The following PPP1R12A variants were observed in gnomAD, a reference collection of about 807,000 sequenced individuals.
PPP1R12A encodes protein phosphatase 1 regulatory subunit 12A, also known as myosin binding subunit.
PPP1R12A carries 19 observed loss-of-function variants against 139.6 expected under a neutral mutation model. The ratio of observed to expected loss-of-function variants is 0.14; its 90% confidence interval spans 0.09 to 0.20. PPP1R12A has a LOEUF of 0.20. Ranked by LOEUF, PPP1R12A falls within the 10% of genes least tolerant of loss-of-function variation. PPP1R12A has a pLI of 1.00. For synonymous variants in PPP1R12A, 427 were observed against 420.6 expected (o/e 1.02, Z -0.19); for missense variants, 925 against 1,211.5 (o/e 0.76, Z 3.51).
chr12:79,839,059 C>T (rs1370057795), intron 3 of PPP1R12A, among the ~76,000 whole-genome samples: 1 of 152,030 alleles, frequency 6.6e-6, no homozygotes, highest in Non-Finnish European at 1.5e-5. Flanking sequence ...TGCAAAGCTA[C>T]AGAGGCAGAG....
chr12:79,885,610 A>G (rs1387984238), intron 1 of PPP1R12A, among the ~76,000 whole-genome samples: 3 of 152,170 alleles, frequency 2.0e-5, no homozygotes, highest in Non-Finnish European at 2.9e-5. Flanking sequence ...CCTTCAAACA[A>G]ACTTTTCTGC....
chr12:79,934,767 C>G lies in PPP1R12A; in HGVS notation c.165G>C (p.Glu55Asp), dbSNP rs376917306. The change falls in exon 1 of 25, where the codon GAG becomes GAC. Residue 55 changes from glutamate to aspartate, a missense_variant. Transcript: ENST00000450142. ...CGCCGCGGTGCAGCAGCTTGAGGAC[C>G]TCGTCCGTGTCGCCGCTGGAGCAAG... The part of the protein sequence containing the change: ...LAACSSGDTD[E>D]VLKLLHRGAD... 1 of 1,552,830 alleles carries G rather than the reference C, an allele frequency of 6.4e-7. No individual in the cohort carries two copies. Among genetic ancestry groups the G allele is most frequent in the Non-Finnish European group, 8.7e-7 (1 of 1,147,706 alleles).
intron 2 of PPP1R12A, among the ~76,000 whole-genome samples, chr12:79,871,463 T>C (rs973307330): frequency 6.6e-6 from 1 of 152,226 alleles, no homozygotes; most frequent in Non-Finnish European, 1.5e-5. Flanking sequence ...AAAGTTAATA[T>C]GTACTATTTC....
intron 1 of PPP1R12A, among the ~76,000 whole-genome samples, chr12:79,893,019 G>A (rs954216980): frequency 1.5e-4 from 23 of 151,738 alleles, no homozygotes; most frequent in African/African-American, 5.6e-4. Context: ...CAGGAGAACT[G>A]CTTGAACCTG....
At chr12:79,925,897 C>G (rs937813150) in intron 1 of PPP1R12A, among the ~76,000 whole-genome samples, 3 of 152,006 alleles carry the variant, frequency 2.0e-5, no homozygotes, top group Non-Finnish European at 2.9e-5. Flanking sequence ...CTAATATTAC[C>G]ATGCTAGAGA....
intron 2 of PPP1R12A, among the ~76,000 whole-genome samples, chr12:79,864,597 A>G (rs1225924328): frequency 6.6e-6 from 1 of 152,162 alleles, no homozygotes; most frequent in African/African-American, 2.4e-5. Context: ...ACTAATAAAG[A>G]GAGAAGAATC....
chr12:79,817,345 G>A, intron 9 of PPP1R12A, 49 bp downstream of exon 9: 3 of 1,549,006 alleles, frequency 1.9e-6, no homozygotes, highest in Non-Finnish European at 2.7e-6. Context: ...AGTCCAAGTG[G>A]TACATAAATA....
chr12:79,805,484 G>T, intron 14 of PPP1R12A, 108 bp downstream of exon 14: 1 of 957,610 alleles, frequency 1.0e-6, no homozygotes, highest in Non-Finnish European at 1.5e-6. Context: ...TCATTTATTA[G>T]TCTACTGGAG....
chr12:79,905,559 G>C (rs958240511), intron 1 of PPP1R12A, among the ~76,000 whole-genome samples: 1 of 152,144 alleles, frequency 6.6e-6, no homozygotes, highest in African/African-American at 2.4e-5. Context: ...CTGAAGGCAG[G>C]ATGCTGCAGA....
chr12:79,904,603 A>T (rs192252341), intron 1 of PPP1R12A, among the ~76,000 whole-genome samples: 1 of 152,318 alleles, frequency 6.6e-6, no homozygotes, highest in African/African-American at 2.4e-5. Flanking sequence ...AGCATAAAGT[A>T]GCTCATTCCA....
chr12:79,800,836 C>G (rs1236821859), intron 14 of PPP1R12A, among the ~76,000 whole-genome samples: 1 of 151,560 alleles, frequency 6.6e-6, no homozygotes, highest in Non-Finnish European at 1.5e-5. Flanking sequence ...TGGGTTCACA[C>G]CATTCTCCTG....
rs1384724527 is a variant in PPP1R12A at position 79,797,252 on chromosome 12, C to T, written c.2235G>A (p.Glu745=). 2.5e-6 allele frequency: 4 copies of T among 1,589,026 alleles called. No homozygotes were observed. Among genetic ancestry groups the T allele is most frequent in the Non-Finnish European group, 3.4e-6 (4 of 1,166,600 alleles). ...QDKEKQEEKK[E]SETSREDEYK... ...ATTCATCTTCTCTAGATGTTTCTGA[C>T]TCCTTCTTTTCTTCTTGTTTCTCTT... is the stretch of plus-strand genomic sequence containing the variant. Residue 745 remains glutamate (E), a synonymous_variant, in exon 16 of 25, where the codon GAG becomes GAA. Coordinates refer to ENST00000450142, the MANE Select transcript of PPP1R12A (RefSeq NM_002480.3).
chr12:79,844,105 GT>G (rs776584481), intron 3 of PPP1R12A, among the ~76,000 whole-genome samples: 19 of 150,996 alleles, frequency 1.3e-4, no homozygotes, highest in Middle Eastern at 3.4e-3. Flanking sequence ...GAATTCAATG[GT>G]TTTTTTTTAG....
intron 9 of PPP1R12A, 28 bp from the exon 10 acceptor site, chr12:79,810,038 G>C (rs773836366): frequency 1.3e-6 from 2 of 1,530,136 alleles, no homozygotes; most frequent in Non-Finnish European, 8.9e-7. Flanking sequence ...TTTAGGAAAA[G>C]AAAAAAGAAT....
intron 14 of PPP1R12A, among the ~76,000 whole-genome samples, chr12:79,803,295 A>T (rs1414941711): frequency 6.6e-6 from 1 of 152,182 alleles, no homozygotes; most frequent in Admixed American, 6.5e-5. Flanking sequence ...CGACATAGAG[A>T]AGAAAAATAA....
At chr12:79,927,813 A>C (rs1887957869) in intron 1 of PPP1R12A, among the ~76,000 whole-genome samples, 1 of 152,242 alleles carries the variant, frequency 6.6e-6, no homozygotes, top group African/African-American at 2.4e-5. Context: ...ACTCCAACTG[A>C]GAATAAACTT....
intron 1 of PPP1R12A, among the ~76,000 whole-genome samples, chr12:79,930,278 T>C (rs1888152454): frequency 6.6e-6 from 1 of 152,106 alleles, no homozygotes; most frequent in Non-Finnish European, 1.5e-5. Flanking sequence ...AGTTAACCAA[T>C]TTCTATAAAG....
At chr12:79,806,785 G>A (rs1426102889) in intron 12 of PPP1R12A, 1 of 160,932 alleles carries the variant, frequency 6.2e-6, no homozygotes. Flanking sequence ...GTTGCTTTTA[G>A]TAAAGAAATT....
At chr12:79,906,715 C>T (rs1886154510) in intron 1 of PPP1R12A, among the ~76,000 whole-genome samples, 1 of 152,130 alleles carries the variant, frequency 6.6e-6, no homozygotes, top group Non-Finnish European at 1.5e-5. Context: ...ACGATCTTGG[C>T]TCACTGCAAC....
Sources: gnomAD v4.1 joint callset for allele counts (sites outside exome capture counted in the v4.1 genomes callset) on GRCh38, gnomAD v4.1.1 for gene constraint, MANE v1.5 for transcripts, NCBI Gene and HGNC (gene_info 2026-07-23, HGNC 2026-07-21) for gene names.